Variants in ALDH1A2 observed in about 807,000 individuals in gnomAD.
ALDH1A2 encodes the protein aldehyde dehydrogenase 1 family member A2.
Under a neutral mutation model 60.3 loss-of-function variants are expected in ALDH1A2, and 27 were observed. The observed-to-expected ratio is 0.45, with a 90% CI of 0.33 to 0.62. The LOEUF is 0.62. Ranked by LOEUF, ALDH1A2 falls within the 20% of genes least tolerant of loss-of-function variation. The probability of loss-of-function intolerance (pLI) is 0.02; values close to 1 mark genes in which losing one functional copy is unlikely to be tolerated. For missense variants in ALDH1A2, 581 were observed against 643.8 expected, an observed-to-expected ratio of 0.90 and a Z score of 1.06; for synonymous variants, 289 against 232.4, an observed-to-expected ratio of 1.24 and a Z score of -2.21.
chr15:58,012,022 T>C (rs1476896720), intron 3 of ALDH1A2: 1 of 152,160 alleles, frequency 6.6e-6, no homozygotes, highest in Admixed American at 6.5e-5. Flanking sequence ...GATGCAGGAT[T>C]AGCTTCAGTT....
intron 7 of ALDH1A2, among the ~76,000 whole-genome samples, chr15:57,973,481 T>C (rs1207374213): frequency 1.3e-5 from 2 of 152,306 alleles, no homozygotes; most frequent in East Asian, 1.9e-4. Context: ...TTCTAATCCA[T>C]ATTTAAGTGA....
chr15:57,955,082 T>G lies in ALDH1A2; in HGVS notation c.*115A>C. 1 of 1,169,062 alleles carries G rather than the reference T, an allele frequency of 8.6e-7. No individual in the cohort carries two copies. The highest frequency in any genetic ancestry group is 1.5e-5 in the African/African-American group (1 of 66,270). The allele number at this position is 1,169,062 out of a possible 1,614,324, so 72.4% of individuals were successfully genotyped here. On this transcript the variant is annotated 3_prime_UTR_variant, in exon 13 of 13. Coordinates refer to ENST00000249750, the MANE Select transcript of ALDH1A2 (RefSeq NM_003888.4). ...CCTGCCTGGCCTACATGTTATCTTTTCAATCTTTAAGTAAGGACCGTGGCT... is the reference window on the plus strand; with the variant it reads ...CCTGCCTGGCCTACATGTTATCTTTGCAATCTTTAAGTAAGGACCGTGGCT...
rs185254881 is a variant in ALDH1A2, at chr15:58,019,300, T to C, written c.118-5019A>G. Among the ~76,000 whole-genome samples the C allele has an allele frequency of 1.8e-3, 271 of 152,264 alleles. 2 individuals carry two copies. The highest frequency in any genetic ancestry group is 0.01 in the Middle Eastern group (3 of 294). ...AAATGTGACTTTGTGGAAAATAAAA[T>C]AAGCCACTCAAGCTCTGTCTTGAAA... On this transcript the variant is annotated intron_variant, in intron 1 of 12. Transcript: ENST00000249750.
At chr15:57,960,895 A>C (rs1388060292) in intron 11 of ALDH1A2, 51 bp from the exon 12 acceptor site, 2 of 1,522,888 alleles carry the variant, frequency 1.3e-6, no homozygotes, top group Admixed American at 1.7e-5. Flanking sequence ...CTGAGCACAT[A>C]ATCTGACTGG....
At chr15:58,024,057 C>T (rs1358772330) in intron 1 of ALDH1A2, among the ~76,000 whole-genome samples, 3 of 152,128 alleles carry the variant, frequency 2.0e-5, no homozygotes, top group African/African-American at 2.4e-5. Context: ...TGCACCATTG[C>T]ACTCCAGCCT....
rs189998964 is a variant in ALDH1A2 at position 58,027,902 on chromosome 15, A to C, written c.118-13621T>G. On this transcript the variant is annotated intron_variant, in intron 1 of 12. Transcript: ENST00000249750. ...CTCCAAGAAATATGGGACTATGTGAAAAGACCAACTCTATGTTTGATTGGT... is the reference window on the plus strand; with the variant it reads ...CTCCAAGAAATATGGGACTATGTGACAAGACCAACTCTATGTTTGATTGGT... 3.1e-3 allele frequency among the ~76,000 whole-genome samples: 465 copies of C among 152,322 alleles called. 3 individuals are homozygous for C. Among genetic ancestry groups the C allele is most frequent in the African/African-American group, 0.011 (445 of 41,580 alleles).
At chr15:58,014,377 G>C (rs1221675284) in intron 1 of ALDH1A2, 96 bp from the exon 2 acceptor site, 1 of 926,436 alleles carries the variant, frequency 1.1e-6, no homozygotes, top group Admixed American at 1.8e-5. Flanking sequence ...AATAACACTT[G>C]TTGTATAATA....
At chr15:58,016,539 G>C (rs1272859108) in intron 1 of ALDH1A2, among the ~76,000 whole-genome samples, 1 of 152,008 alleles carries the variant, frequency 6.6e-6, no homozygotes, top group African/African-American at 2.4e-5. Context: ...AAAATCAAAA[G>C]GAAAAAATAC....
chr15:58,002,864 T>C (rs749265422), intron 4 of ALDH1A2, among the ~76,000 whole-genome samples: 9 of 151,996 alleles, frequency 5.9e-5, no homozygotes, highest in Middle Eastern at 3.4e-3. Flanking sequence ...TATTCCATTA[T>C]GTATGTACTG....
chr15:58,052,239 A>G (rs950295064), intron 1 of ALDH1A2, among the ~76,000 whole-genome samples: 1 of 152,126 alleles, frequency 6.6e-6, no homozygotes, highest in Non-Finnish European at 1.5e-5. Context: ...TTTCGGCCCT[A>G]AAAAGACCAC....
intron 1 of ALDH1A2, among the ~76,000 whole-genome samples, chr15:58,061,289 A>C (rs528181828): frequency 3.4e-4 from 51 of 152,092 alleles, no homozygotes; most frequent in Middle Eastern, 6.8e-3. Context: ...TAAAAAAAAA[A>C]CCTGAAGTCC....
chr15:58,022,907 T>C (rs1259084608), intron 1 of ALDH1A2, among the ~76,000 whole-genome samples: 1 of 152,196 alleles, frequency 6.6e-6, no homozygotes, highest in African/African-American at 2.4e-5. Context: ...CCAACTGTTA[T>C]ACCAGATGTG....
intron 1 of ALDH1A2, among the ~76,000 whole-genome samples, chr15:58,047,298 C>G (rs1896661581): frequency 6.6e-6 from 1 of 151,704 alleles, no homozygotes; most frequent in African/African-American, 2.4e-5. Context: ...TAGATTGTAC[C>G]TTGGAGAGTT....
At chr15:57,969,695 T>C (rs1894000147) in intron 7 of ALDH1A2, among the ~76,000 whole-genome samples, 1 of 152,172 alleles carries the variant, frequency 6.6e-6, no homozygotes, top group East Asian at 1.9e-4. Context: ...CAGGTAAACA[T>C]ACAGTTTGAG....
chr15:58,002,880 G>A (rs1895321199), intron 4 of ALDH1A2, among the ~76,000 whole-genome samples: 1 of 151,830 alleles, frequency 6.6e-6, no homozygotes, highest in Admixed American at 6.6e-5. Flanking sequence ...TACTGTAGCA[G>A]ATTCCCATCA....
At chr15:58,013,729 G>T (rs1895703279) in intron 3 of ALDH1A2, 129 bp downstream of exon 3, 1 of 1,285,808 alleles carries the variant, frequency 7.8e-7, no homozygotes, top group South Asian at 1.6e-5. Context: ...TCCAGCCTGG[G>T]CGACAGAGCT....
intron 4 of ALDH1A2, among the ~76,000 whole-genome samples, chr15:58,002,963 G>A (rs951927679): frequency 1.3e-5 from 2 of 151,796 alleles, no homozygotes; most frequent in Non-Finnish European, 2.9e-5. Context: ...CTATACAAAC[G>A]CTGAAACTGT....
At chr15:58,051,600 C>A (rs1309273280) in intron 1 of ALDH1A2, among the ~76,000 whole-genome samples, 1 of 152,118 alleles carries the variant, frequency 6.6e-6, no homozygotes, top group Non-Finnish European at 1.5e-5. Flanking sequence ...CTAGCCATAA[C>A]TACATGAGAG....
intron 1 of ALDH1A2, among the ~76,000 whole-genome samples, chr15:58,063,675 A>G (rs556069283): frequency 3.9e-5 from 6 of 152,288 alleles, no homozygotes; most frequent in East Asian, 1.9e-4. Context: ...GTTTTTGTGG[A>G]AAGAGCTCGC....
Sources: allele counts gnomAD v4.1 joint callset (sites outside exome capture counted in the v4.1 genomes callset), GRCh38; gene constraint gnomAD v4.1.1; transcripts MANE v1.5; gene names NCBI Gene and HGNC (gene_info 2026-07-23, HGNC 2026-07-21).